Variants in LARS1 observed in about 807,000 individuals in gnomAD.
LARS1 encodes leucyl-tRNA synthetase 1, also known as leucine--tRNA ligase, cytoplasmic.
Under a neutral mutation model 162.8 loss-of-function variants are expected in LARS1, and 100 were observed. The observed-to-expected ratio is 0.61, with a 90% CI of 0.52 to 0.73. The LOEUF (loss-of-function observed/expected upper bound fraction) is 0.73. Among genes scored for constraint, LARS1 ranks in the 30% least tolerant of loss-of-function variants. LARS1 has a pLI of 0.00. For synonymous variants in LARS1, 457 were observed against 462.8 expected (o/e 0.99, Z 0.16); for missense variants, 1,258 against 1,408.9 (o/e 0.89, Z 1.71).
chr5:146,153,074 T>C, intron 13 of LARS1, 100 bp downstream of exon 13: 1 of 923,852 alleles, frequency 1.1e-6, no homozygotes, highest in Non-Finnish European at 1.7e-6. Flanking sequence ...CTCTTTTTCA[T>C]ACTCCACCAA....
chr5:146,159,058 T>C, intron 8 of LARS1, among the ~76,000 whole-genome samples: 1 of 150,462 alleles, frequency 6.6e-6, no homozygotes, highest in Non-Finnish European at 1.5e-5. Context: ...ATAGCACCAC[T>C]GCAGTCCGGT....
chr5:146,128,103 T>C (rs1752117537), intron 27 of LARS1, among the ~76,000 whole-genome samples: 2 of 152,234 alleles, frequency 1.3e-5, no homozygotes, highest in Admixed American at 6.6e-5. Context: ...TTTTTTTCTT[T>C]CAGGAAAACT....
intron 28 of LARS1, among the ~76,000 whole-genome samples, chr5:146,125,789 C>T (rs1199964617): frequency 2.0e-5 from 3 of 151,912 alleles, no homozygotes; most frequent in Non-Finnish European, 2.9e-5. Flanking sequence ...ACATCAGCGA[C>T]GTATATGAAG....
chr5:146,174,587 CATAT>C (rs58220245), intron 2 of LARS1, among the ~76,000 whole-genome samples: 3,114 of 24,920 alleles, frequency 0.12, 606 homozygotes, highest in Non-Finnish European at 0.19. Context: ...TGTATATATC[CATAT>C]ATATATATAT....
chr5:146,130,216 G>T, intron 24 of LARS1, 58 bp from the exon 25 acceptor site: 3 of 1,529,774 alleles, frequency 2.0e-6, no homozygotes, highest in South Asian at 1.2e-5. Flanking sequence ...AAAAATAAAG[G>T]GAAAAATTGC....
rs116036089 is a variant in LARS1, at chr5:146,174,914, T to C, written c.126-2140A>G. 3.0e-3 allele frequency among the ~76,000 whole-genome samples: 458 copies of C among 151,950 alleles called. 6 individuals are homozygous for C. Among genetic ancestry groups the C allele is most frequent in the African/African-American group, 9.9e-3 (412 of 41,482 alleles). The stretch of plus-strand genomic sequence containing the variant: ...GCCTGGGCAAGACAGTGAAACTTCA[T>C]TTCTACAAAAGAAATTTTTTCAATG... On this transcript the variant is annotated intron_variant, in intron 2 of 31. Transcript: ENST00000394434.
chr5:146,174,064 C>T (rs978220429), intron 2 of LARS1, among the ~76,000 whole-genome samples: 5 of 146,896 alleles, frequency 3.4e-5, no homozygotes, highest in African/African-American at 1.0e-4. Flanking sequence ...TTAACCAAAC[C>T]TCTAGAAGAA....
chr5:146,142,975 C>T lies in LARS1; in HGVS notation c.1987G>A (p.Glu663Lys). The T allele has an allele frequency of 6.2e-7, 1 of 1,613,980 alleles. No individual in the cohort carries two copies. Among genetic ancestry groups the T allele is most frequent in the Non-Finnish European group, 8.5e-7 (1 of 1,179,908 alleles). ...EKLDQLKQEF[E>K]FWYPVDLRVS... is the part of the protein sequence containing the mutation. ...CGAAGATCAACAGGATACCAGAATT[C>T]AAACTCCTGCTTTAACTGATCTAAT... Residue 663 changes from glutamate (E) to lysine (K), a missense_variant, in exon 20 of 32, where the codon GAA becomes AAA. Coordinates refer to ENST00000394434, the MANE Select transcript of LARS1 (RefSeq NM_020117.11).
At chr5:146,149,799 C>T (rs1753192938) in intron 14 of LARS1, 100 bp from the exon 15 acceptor site, 2 of 799,250 alleles carry the variant, frequency 2.5e-6, no homozygotes, top group African/African-American at 1.7e-5. Context: ...TTCTGCCCAC[C>T]GAAATATTTT....
At chr5:146,166,033 G>C (rs1185285957) in intron 5 of LARS1, among the ~76,000 whole-genome samples, 4 of 152,132 alleles carry the variant, frequency 2.6e-5, no homozygotes, top group African/African-American at 9.7e-5. Context: ...TGTATGCATG[G>C]CTTAGCAGAC....
chr5:146,150,974 C>CACACAT (rs1469716055), intron 14 of LARS1, among the ~76,000 whole-genome samples: 4 of 151,512 alleles, frequency 2.6e-5, no homozygotes, highest in African/African-American at 9.7e-5. Flanking sequence ...CACACACACA[C>CACACAT]ACACACACAA....
At chr5:146,166,969 T>C (rs1754037301) in intron 5 of LARS1, among the ~76,000 whole-genome samples, 1 of 152,196 alleles carries the variant, frequency 6.6e-6, no homozygotes. Flanking sequence ...TCCCTAACGC[T>C]TGAGAACGAC....
chr5:146,134,222 C>T (rs547126614), intron 22 of LARS1, among the ~76,000 whole-genome samples: 5 of 152,112 alleles, frequency 3.3e-5, no homozygotes, highest in South Asian at 4.1e-4. Flanking sequence ...CCAATCTGAC[C>T]CCATAGGGCT....
chr5:146,114,376 G>A, intron 31 of LARS1, 65 bp from the exon 32 acceptor site: 1 of 1,276,416 alleles, frequency 7.8e-7, no homozygotes. Context: ...GGAGCAGTCT[G>A]AGAACTCACG....
intron 31 of LARS1, among the ~76,000 whole-genome samples, chr5:146,116,067 C>T (rs1397446160): frequency 6.6e-6 from 1 of 152,150 alleles, no homozygotes; most frequent in Non-Finnish European, 1.5e-5. Flanking sequence ...CTGCGACTAC[C>T]ACAAAAGCAA....
At chr5:146,125,043 C>T (rs528128763) in intron 28 of LARS1, among the ~76,000 whole-genome samples, 146 of 151,198 alleles carry the variant, frequency 9.7e-4, no homozygotes, top group Admixed American at 3.0e-3. Flanking sequence ...TATATATATA[C>T]ATATACACAT....
rs747123113 is a variant in LARS1 at position 146,144,663 on chromosome 5, C to G, written c.1550G>C (p.Arg517Thr). The G allele has an allele frequency of 1.9e-6, 3 of 1,614,060 alleles. No homozygotes were observed. Among genetic ancestry groups the G allele is most frequent in the South Asian group, 2.2e-5 (2 of 91,086 alleles). Residue 517 changes from arginine (R) to threonine (T), a missense_variant, in exon 16 of 32, where the codon AGG becomes ACG. Coordinates refer to ENST00000394434, the MANE Select transcript of LARS1 (RefSeq NM_020117.11). The part of the protein sequence containing the change: ...YMEPEKQVMS[R>T]SSDECVVALC... ...AGCCACAACACATTCATCTGACGAC[C>G]TGGACATCACTTGTTTCTCTGGTTC...
intron 6 of LARS1, among the ~76,000 whole-genome samples, chr5:146,163,634 C>T (rs1043375116): frequency 2.0e-5 from 3 of 151,748 alleles, no homozygotes; most frequent in Middle Eastern, 3.4e-3. Flanking sequence ...TGCCGTGAGC[C>T]GAGATCACAC....
At chr5:146,172,982 G>A (rs1011022619) in intron 2 of LARS1, among the ~76,000 whole-genome samples, 10 of 151,994 alleles carry the variant, frequency 6.6e-5, no homozygotes, top group Admixed American at 4.6e-4. Context: ...ACATTGATAG[G>A]TTGCTATTAA....
Sources: gnomAD v4.1 joint callset for allele counts (sites outside exome capture counted in the v4.1 genomes callset) on GRCh38, gnomAD v4.1.1 for gene constraint, MANE v1.5 for transcripts, NCBI Gene and HGNC (gene_info 2026-07-23, HGNC 2026-07-21) for gene names.